Variants in RNF185 observed in about 807,000 individuals in gnomAD.
The protein encoded by RNF185 is ring finger protein 185.
RNF185 carries 13 observed loss-of-function variants against 24.9 expected under a neutral mutation model. That is an observed-to-expected ratio of 0.52 (90% CI 0.34 to 0.83). The LOEUF (loss-of-function observed/expected upper bound fraction) is 0.83, where lower values mean the gene tolerates loss of function less well. RNF185 is among the 40% of genes least tolerant of loss of function. The pLI is 0.01. For synonymous variants in RNF185, 79 were observed against 90.3 expected (o/e 0.88, Z 0.71); for missense variants, 184 against 244.7 (o/e 0.75, Z 1.65).
chr22:31,183,236 A>T (rs1468050546), intron 1 of RNF185, among the ~76,000 whole-genome samples: 11 of 152,064 alleles, frequency 7.2e-5, no homozygotes, highest in Non-Finnish European at 1.5e-4. Flanking sequence ...AATTCATTTT[A>T]GATGCTTGAT....
intron 4 of RNF185, among the ~76,000 whole-genome samples, chr22:31,196,223 C>T (rs1016936975): frequency 5.3e-5 from 8 of 152,302 alleles, no homozygotes; most frequent in African/African-American, 1.9e-4. Flanking sequence ...CCTCTAACTT[C>T]TACTCATCTC....
At chr22:31,192,198 G>A (rs2048162454) in intron 2 of RNF185, among the ~76,000 whole-genome samples, 1 of 152,178 alleles carries the variant, frequency 6.6e-6, no homozygotes, top group Non-Finnish European at 1.5e-5. Context: ...TGGACTACCT[G>A]AGAGTCCACA....
At chr22:31,173,861 C>T (rs1292725232) in intron 1 of RNF185, among the ~76,000 whole-genome samples, 4 of 152,180 alleles carry the variant, frequency 2.6e-5, no homozygotes, top group Non-Finnish European at 5.9e-5. Flanking sequence ...CCTCTCAGTT[C>T]ATAAACATAC....
intron 1 of RNF185, among the ~76,000 whole-genome samples, chr22:31,161,402 A>G (rs990655745): frequency 2.0e-5 from 3 of 152,128 alleles, no homozygotes; most frequent in African/African-American, 7.2e-5. Flanking sequence ...CACTTCCATC[A>G]CTTTAGCCTA....
intron 4 of RNF185, among the ~76,000 whole-genome samples, chr22:31,196,169 C>A (rs992674126): frequency 2.0e-5 from 3 of 152,148 alleles, no homozygotes; most frequent in Non-Finnish European, 4.4e-5. Context: ...CTGCCTTCTT[C>A]CCTCCCCAGT....
chr22:31,195,090 C>A (rs2147957091), intron 3 of RNF185, among the ~76,000 whole-genome samples: 1 of 152,086 alleles, frequency 6.6e-6, no homozygotes, highest in East Asian at 1.9e-4. Context: ...GTAGCTGGAA[C>A]TACAGGCATG....
At chr22:31,197,733 GTCTT>G (rs1368771119) in intron 5 of RNF185, among the ~76,000 whole-genome samples, 1 of 151,578 alleles carries the variant, frequency 6.6e-6, no homozygotes, top group African/African-American at 2.4e-5. Context: ...GTTTTTTTTT[GTCTT>G]TCTTTTTTTT....
At chr22:31,185,902 AG>A (rs1426225592) in intron 1 of RNF185, among the ~76,000 whole-genome samples, 1 of 152,176 alleles carries the variant, frequency 6.6e-6, no homozygotes, top group Non-Finnish European at 1.5e-5. Flanking sequence ...CGGTGCAAAC[AG>A]GGTGTCCATG....
chr22:31,203,213 A>T (rs1339001032), intron 6 of RNF185, among the ~76,000 whole-genome samples: 1 of 152,164 alleles, frequency 6.6e-6, no homozygotes, highest in Non-Finnish European at 1.5e-5. Flanking sequence ...CCCATCCTGG[A>T]CACAGATTCT....
At chr22:31,194,604 T>C (rs1005984635) in intron 3 of RNF185, among the ~76,000 whole-genome samples, 1 of 151,916 alleles carries the variant, frequency 6.6e-6, no homozygotes, top group African/African-American at 2.4e-5. Context: ...GGTGGGCGCC[T>C]GTAATCCCAG....
At position 31,206,101 on chromosome 22, in the gene RNF185, A is replaced by G. The variant is rs1346142539; in HGVS notation, c.*1515A>G. 1 of 154,484 alleles carries G rather than the reference A, an allele frequency of 6.5e-6. No individual in the cohort carries two copies. The highest frequency in any genetic ancestry group is 1.5e-5 in the Non-Finnish European group (1 of 68,154). The allele number at this position is 154,484 out of a possible 1,614,324, so 9.6% of individuals were successfully genotyped here. A position where few individuals can be genotyped will look rare whatever the true frequency, so the allele number is the denominator to read the frequency against. ...TGGCTAACCCCAGCAATAACCAACA[A>G]ATGGTAGGAAGCCCCATCTATTGCT... On this transcript the variant is annotated 3_prime_UTR_variant, in exon 7 of 7. Transcript: ENST00000326132.
chr22:31,185,123 A>T (rs915574977), intron 1 of RNF185, among the ~76,000 whole-genome samples: 1 of 151,970 alleles, frequency 6.6e-6, no homozygotes, highest in African/African-American at 2.4e-5. Context: ...TAATATGAAG[A>T]AGAGGAAGGT....
chr22:31,196,952 C>T lies in RNF185; in HGVS notation c.325C>T (p.Arg109Cys), dbSNP rs764595845. The change falls in exon 5 of 7, where the codon CGT (arginine) becomes TGT (cysteine). Residue 109 changes from arginine (R) to cysteine (C), a missense_variant. Coordinates refer to ENST00000326132, the MANE Select transcript of RNF185 (RefSeq NM_152267.4). ...CTGTTTCAGAGAGAAGACCCCTCCT[C>T]GTCCTCAAGGACAGAGGCCAGAGCC... ...QQDPREKTPP[R>C]PQGQRPEPEN... is the part of the protein sequence containing the mutation. 3.1e-6 allele frequency: 5 copies of T among 1,612,334 alleles called. No individual in the cohort carries two copies. Among genetic ancestry groups the T allele is most frequent in the South Asian group, 1.1e-5 (1 of 90,866 alleles).
At chr22:31,162,822 T>TG (rs1252885247) in intron 1 of RNF185, among the ~76,000 whole-genome samples, 1 of 150,982 alleles carries the variant, frequency 6.6e-6, no homozygotes, top group African/African-American at 2.4e-5. Context: ...TGGAATGCAG[T>TG]GGCTCCATCT....
chr22:31,192,058 T>C (rs996060579), intron 2 of RNF185, among the ~76,000 whole-genome samples: 2 of 152,146 alleles, frequency 1.3e-5, no homozygotes, highest in African/African-American at 4.8e-5. Flanking sequence ...TAACCCTTTC[T>C]GTCAAGTAGC....
intron 1 of RNF185, chr22:31,183,043 C>G (rs974563671): frequency 2.0e-5 from 3 of 152,036 alleles, no homozygotes; most frequent in Non-Finnish European, 2.9e-5. Flanking sequence ...CATGCCTCAG[C>G]TTCTCAAGTA....
chr22:31,175,298 C>G (rs117695664), intron 1 of RNF185, among the ~76,000 whole-genome samples: 3,111 of 150,692 alleles, frequency 0.021, 62 homozygotes, highest in Non-Finnish European at 0.03. Context: ...AACAAACAAA[C>G]AAAAAACTAG....
chr22:31,193,730 G>A lies in RNF185; in HGVS notation c.195+1028G>A, dbSNP rs554329229. On this transcript the variant is annotated intron_variant, in intron 3 of 6. Coordinates refer to ENST00000326132, the MANE Select transcript of RNF185 (RefSeq NM_152267.4). ...AATCGCTTGAATCTGGGAGGCAGAG[G>A]TTGCAGTGAGCTGAGATTGCACCAC... 3.3e-5 allele frequency among the ~76,000 whole-genome samples: 5 copies of A among 151,568 alleles called. No individual in the cohort carries two copies. The South Asian group carries it at 6.3e-4, about 19-fold the overall frequency.
intron 4 of RNF185, 52 bp downstream of exon 4, chr22:31,195,633 C>G (rs997822869): frequency 1.7e-6 from 2 of 1,159,806 alleles, no homozygotes; most frequent in Admixed American, 2.0e-5. Flanking sequence ...GATGTGAATT[C>G]ACTCCCATTC....
Sources: gnomAD v4.1 joint callset for allele counts (sites outside exome capture counted in the v4.1 genomes callset) on GRCh38, gnomAD v4.1.1 for gene constraint, MANE v1.5 for transcripts, NCBI Gene and HGNC (gene_info 2026-07-23, HGNC 2026-07-21) for gene names.